ZNF732: variants seen among roughly 807,000 people sequenced by gnomAD.
ZNF732 encodes zinc finger protein LOC654254.
Under a neutral mutation model 11.5 loss-of-function variants are expected in ZNF732, and 12 were observed. The ratio of observed to expected loss-of-function variants is 1.05; its 90% CI spans 0.67 to 1.70. ZNF732 has a LOEUF of 1.70. Among genes scored for constraint, ZNF732 ranks in the 40% most tolerant of loss-of-function variants. The probability of loss-of-function intolerance (pLI) is 0.00; values close to 1 mark genes in which losing one functional copy is unlikely to be tolerated. For missense variants in ZNF732, 702 were observed against 676.9 expected (o/e 1.04, Z -0.41); for synonymous variants, 231 against 236.5 (o/e 0.98, Z 0.21).
chr4:303,872 G>A (rs1285379135), intron 1 of ZNF732, among the ~76,000 whole-genome samples: 2 of 152,172 alleles, frequency 1.3e-5, no homozygotes, highest in Non-Finnish European at 2.9e-5. Context: ...AAGAGAGAAA[G>A]GAGCTATCAA....
At chr4:293,232 T>C (rs1719878023) in intron 3 of ZNF732, among the ~76,000 whole-genome samples, 1 of 133,304 alleles carries the variant, frequency 7.5e-6, no homozygotes, top group South Asian at 2.3e-4. Context: ...AGCCAAAATA[T>C]GGTGTGTGTG....
intron 3 of ZNF732, among the ~76,000 whole-genome samples, chr4:282,941 C>T (rs963474621): frequency 1.3e-5 from 2 of 152,068 alleles, no homozygotes; most frequent in East Asian, 3.9e-4. Context: ...GTAATAAGTT[C>T]TTATCAATCA....
chr4:277,939 A>G (rs1315219879), intron 3 of ZNF732, among the ~76,000 whole-genome samples: 3 of 152,200 alleles, frequency 2.0e-5, no homozygotes, highest in African/African-American at 7.2e-5. Context: ...AATGTTTATT[A>G]AAACACTATT....
chr4:283,440 A>C (rs1283426571), intron 3 of ZNF732, among the ~76,000 whole-genome samples: 1 of 152,178 alleles, frequency 6.6e-6, no homozygotes, highest in Non-Finnish European at 1.5e-5. Flanking sequence ...ATTCCATGCC[A>C]GTAATAACTA....
At position 271,287 on chromosome 4, in the gene ZNF732, G is replaced by A; in HGVS notation, c.1570C>T (p.His524Tyr). ...STYLSKHKKI[H>Y]TGEKPYRCEE... ...CATCTATAAGGTTTCTCTCCAGTATGAATTTTCTTATGTTTACTCAGGTAT... is the reference window on the plus strand; with the variant it reads ...CATCTATAAGGTTTCTCTCCAGTATAAATTTTCTTATGTTTACTCAGGTAT... The change falls in exon 4 of 4, where the codon CAT becomes TAT. Residue 524 changes from histidine (H) to tyrosine (Y), a missense_variant. Around this residue, in one of 3 missense-constraint regions of ZNF732, gnomAD observed 94 missense variants for 87.5 expected, o/e 1.07. Transcript: ENST00000419098. 1 of 1,590,414 alleles carries A rather than the reference G, an allele frequency of 6.3e-7. No homozygotes were observed.
intron 3 of ZNF732, among the ~76,000 whole-genome samples, chr4:279,450 A>AC (rs1719571835): frequency 6.6e-6 from 1 of 151,926 alleles, no homozygotes; most frequent in African/African-American, 2.4e-5. Context: ...CGTCTCAAAA[A>AC]AAAAAAACAA....
chr4:273,016 G>C (rs1228920852), intron 3 of ZNF732, among the ~76,000 whole-genome samples: 1 of 151,988 alleles, frequency 6.6e-6, no homozygotes, highest in Non-Finnish European at 1.5e-5. Flanking sequence ...CTTACTTCTG[G>C]CTTTTGGGGA....
rs1025800695 is a variant in ZNF732, at chr4:272,462, C to G, written c.395G>C (p.Cys132Ser). The G allele has an allele frequency of 1.9e-5, 30 of 1,601,036 alleles. No individual in the cohort carries two copies. The highest frequency in any genetic ancestry group is 2.2e-5 in the Non-Finnish European group (26 of 1,172,896). ...QKGGYNEFNQ[C>S]LSTIQSKIFQ... ...TATTTTGCTCTGGATAGTTGACAAG[C>G]ATTGATTAAATTCATTATAACCTCC... The change falls in exon 4 of 4, where the codon TGC (cysteine) becomes TCC (serine). Residue 132 changes from cysteine to serine, a missense_variant. Coordinates refer to ENST00000419098, the MANE Select transcript of ZNF732 (RefSeq NM_001137608.3).
chr4:287,016 T>C (rs1553840670), intron 3 of ZNF732, among the ~76,000 whole-genome samples: 2 of 151,982 alleles, frequency 1.3e-5, no homozygotes, highest in African/African-American at 4.8e-5. Context: ...CTGGGCGTGG[T>C]GGTGCACGCC....
At chr4:278,787 C>G (rs1279393425) in intron 3 of ZNF732, among the ~76,000 whole-genome samples, 7 of 152,194 alleles carry the variant, frequency 4.6e-5, no homozygotes, top group Non-Finnish European at 2.9e-5. Flanking sequence ...GTGGCGGACT[C>G]TGGAGCCCAG....
Position 271,446 on chromosome 4 carries a change from C to T in ZNF732, c.1411G>A (p.Glu471Lys). 6.2e-7 allele frequency: 1 copy of T among 1,605,448 alleles called. No individual in the cohort carries two copies. Among genetic ancestry groups the T allele is most frequent in the Non-Finnish European group, 8.5e-7 (1 of 1,175,732 alleles). The part of the protein sequence containing the change: ...LSKHKKIHTG[E>K]KPYRCEECGK... Reference sequence around the variant, plus strand: ...CACTCTTCACATCTATAAGGTTTCTCTCCAGTATGAATTTTCTTATGTTTA... The same window carrying T: ...CACTCTTCACATCTATAAGGTTTCTTTCCAGTATGAATTTTCTTATGTTTA... Residue 471 changes from glutamate to lysine, a missense_variant, in exon 4 of 4, where the codon GAG (glutamate) becomes AAG (lysine). Glu to Lys is a moderately conservative substitution (Grantham distance 56, BLOSUM62 1). Around this residue, in one of 3 missense-constraint regions of ZNF732, gnomAD observed 596 missense variants for 557.9 expected, o/e 1.07. Transcript: ENST00000419098.
At chr4:294,267 TG>T (rs1212659302) in intron 3 of ZNF732, among the ~76,000 whole-genome samples, 2 of 152,236 alleles carry the variant, frequency 1.3e-5, no homozygotes, top group Non-Finnish European at 2.9e-5. Flanking sequence ...CCCAAAGTGC[TG>T]GGATTACAGG....
chr4:300,374 A>G (rs1408537087), intron 1 of ZNF732, among the ~76,000 whole-genome samples: 2 of 150,846 alleles, frequency 1.3e-5, no homozygotes, highest in Non-Finnish European at 3.0e-5. Context: ...GAGACAGGAG[A>G]ATCACTTGAA....
chr4:274,998 CAA>C (rs1304590641), intron 3 of ZNF732, among the ~76,000 whole-genome samples: 13 of 151,368 alleles, frequency 8.6e-5, no homozygotes, highest in Admixed American at 2.6e-4. Context: ...AATAATGAAA[CAA>C]GATAAAATAT....
chr4:305,282 T>C (rs994697889), intron 1 of ZNF732, 26 bp downstream of exon 1: 6 of 1,604,406 alleles, frequency 3.7e-6, no homozygotes, highest in Non-Finnish European at 5.1e-6. Flanking sequence ...CTCCCCAGCC[T>C]TGGGACGCCC....
intron 3 of ZNF732, among the ~76,000 whole-genome samples, chr4:276,354 G>T (rs540287931): frequency 6.6e-6 from 1 of 151,798 alleles, no homozygotes; most frequent in African/African-American, 2.4e-5. Context: ...GCTGAATGCT[G>T]TCATAGACAA....
chr4:295,356 C>A, intron 3 of ZNF732, 82 bp downstream of exon 3: 1 of 1,189,892 alleles, frequency 8.4e-7, no homozygotes, highest in South Asian at 1.6e-5. Context: ...GCAGAGCTTC[C>A]CAAACTACAT....
intron 3 of ZNF732, among the ~76,000 whole-genome samples, chr4:284,915 A>G (rs946210754): frequency 4.0e-5 from 6 of 151,598 alleles, no homozygotes; most frequent in African/African-American, 1.5e-4. Flanking sequence ...AGAAACAAAC[A>G]AAAAACAAAA....
At chr4:276,411 T>A (rs1719498011) in intron 3 of ZNF732, among the ~76,000 whole-genome samples, 1 of 151,870 alleles carries the variant, frequency 6.6e-6, no homozygotes, top group Non-Finnish European at 1.5e-5. Context: ...AGATCTCAGA[T>A]AAAAAGTTTT....
Sources: gnomAD v4.1 joint callset for allele counts (sites outside exome capture counted in the v4.1 genomes callset) on GRCh38, gnomAD v4.1.1 for gene constraint, gnomAD v4.1.1 regional missense constraint, MANE v1.5 for transcripts, NCBI Gene and HGNC (gene_info 2026-07-23, HGNC 2026-07-21) for gene names.